Variants in CNTNAP2 observed in about 807,000 individuals in gnomAD.
CNTNAP2 encodes the protein contactin-associated protein-like 2.
CNTNAP2 carries 98 observed loss-of-function variants against 155.2 expected under a neutral mutation model. The ratio of observed to expected loss-of-function variants is 0.63; its 90% CI spans 0.54 to 0.75. CNTNAP2 has a LOEUF of 0.75. CNTNAP2 is among the 30% of genes least tolerant of loss of function. CNTNAP2 has a pLI of 0.00. For synonymous variants in CNTNAP2, 651 were observed against 631.2 expected (o/e 1.03, Z -0.47); for missense variants, 1,727 against 1,688.1 (o/e 1.02, Z -0.40).
At chr7:146,332,151 A>G (rs1231186888) in intron 1 of CNTNAP2, among the ~76,000 whole-genome samples, 2 of 151,794 alleles carry the variant, frequency 1.3e-5, no homozygotes, top group African/African-American at 4.8e-5. Flanking sequence ...TATTTATTAA[A>G]TTTATTATAT....
At chr7:147,374,833 G>A (rs1399376650) in intron 9 of CNTNAP2, among the ~76,000 whole-genome samples, 1 of 151,950 alleles carries the variant, frequency 6.6e-6, no homozygotes, top group East Asian at 1.9e-4. Flanking sequence ...GCGTTACTGG[G>A]TCAGAGTGTT....
At chr7:146,349,024 G>C (rs563889582) in intron 1 of CNTNAP2, among the ~76,000 whole-genome samples, 2 of 152,216 alleles carry the variant, frequency 1.3e-5, no homozygotes, top group Non-Finnish European at 1.5e-5. Flanking sequence ...CTTAAAATCA[G>C]AATGTGTGAC....
At chr7:147,578,228 A>T (rs1482779001) in intron 12 of CNTNAP2, among the ~76,000 whole-genome samples, 1 of 152,118 alleles carries the variant, frequency 6.6e-6, no homozygotes, top group East Asian at 1.9e-4. Flanking sequence ...AGTTCAGCTA[A>T]TTAAAAGAGA....
chr7:147,740,247 GAT>G (rs1459998923), intron 13 of CNTNAP2, among the ~76,000 whole-genome samples: 3 of 136,352 alleles, frequency 2.2e-5, no homozygotes, highest in Non-Finnish European at 4.8e-5. Context: ...CTAAGAGTGT[GAT>G]ATGTGCAGCA....
At chr7:148,203,252 T>C (rs1187760979) in intron 18 of CNTNAP2, among the ~76,000 whole-genome samples, 1 of 152,138 alleles carries the variant, frequency 6.6e-6, no homozygotes, top group Non-Finnish European at 1.5e-5. Flanking sequence ...CATTAATTCA[T>C]GTTCATTAAT....
chr7:146,346,547 T>C (rs1794821544), intron 1 of CNTNAP2, among the ~76,000 whole-genome samples: 1 of 152,076 alleles, frequency 6.6e-6, no homozygotes, highest in Admixed American at 6.5e-5. Context: ...CTGGGAGTGA[T>C]TGTGCATGCC....
At chr7:146,263,447 A>C (rs912952813) in intron 1 of CNTNAP2, among the ~76,000 whole-genome samples, 2 of 152,224 alleles carry the variant, frequency 1.3e-5, no homozygotes, top group Non-Finnish European at 2.9e-5. Flanking sequence ...AGAAATATGA[A>C]AGAAAATCGT....
intron 15 of CNTNAP2, among the ~76,000 whole-genome samples, chr7:148,063,405 T>C (rs1246590978): frequency 6.6e-6 from 1 of 152,062 alleles, no homozygotes; most frequent in African/African-American, 2.4e-5. Flanking sequence ...ATTGTACCAC[T>C]TGACTTTGCC....
intron 1 of CNTNAP2, among the ~76,000 whole-genome samples, chr7:146,515,263 G>T (rs1797524076): frequency 6.6e-6 from 1 of 152,000 alleles, no homozygotes; most frequent in African/African-American, 2.4e-5. Context: ...ATTAAGACAA[G>T]AATTAACTTA....
intron 8 of CNTNAP2, among the ~76,000 whole-genome samples, chr7:147,161,118 T>C (rs141580466): frequency 1.9e-3 from 287 of 152,226 alleles, no homozygotes; most frequent in African/African-American, 6.6e-3. Flanking sequence ...TAATGAGGTC[T>C]CCCTAGTTTA....
At chr7:148,161,973 A>G (rs1805553366) in intron 17 of CNTNAP2, among the ~76,000 whole-genome samples, 1 of 152,082 alleles carries the variant, frequency 6.6e-6, no homozygotes. Flanking sequence ...AGCTACACTA[A>G]TCCCTCACGG....
At chr7:148,024,222 A>T (rs1012355466) in intron 15 of CNTNAP2, among the ~76,000 whole-genome samples, 1 of 151,478 alleles carries the variant, frequency 6.6e-6, no homozygotes. Flanking sequence ...AGCTGGCTAG[A>T]TACAGAATGA....
At position 148,413,402 on chromosome 7, in the gene CNTNAP2, A is replaced by AAAAAAAT. The variant is rs1491424436; in HGVS notation, c.3797-2015_3797-2014insAAAAAAT. On this transcript the variant is annotated intron_variant, in intron 23 of 23. Coordinates refer to ENST00000361727, the MANE Select transcript of CNTNAP2 (RefSeq NM_014141.6). Reference sequence around the variant, plus strand: ...AGTGAAACTCCGTCTCAAAAAAAAAATATATATATATATATATATATATAT... The same window carrying AAAAAAAT: ...AGTGAAACTCCGTCTCAAAAAAAAAAAAAAAATTATATATATATATATATATATATAT... 1.0e-4 allele frequency among the ~76,000 whole-genome samples: 4 copies of AAAAAAAT among 39,480 alleles called. 1 individual carries two copies. Among genetic ancestry groups the AAAAAAAT allele is most frequent in the African/African-American group, 3.8e-4 (4 of 10,496 alleles). The allele number at this position is 39,480 out of a possible 152,430, so 25.9% of individuals were successfully genotyped here.
chr7:147,405,282 A>G (rs529723770), intron 10 of CNTNAP2, among the ~76,000 whole-genome samples: 2 of 152,320 alleles, frequency 1.3e-5, no homozygotes, highest in South Asian at 2.1e-4. Context: ...TAAAAATAAG[A>G]GCAATTGATT....
chr7:147,980,268 T>TA (rs56850605), intron 15 of CNTNAP2, among the ~76,000 whole-genome samples: 1 of 152,070 alleles, frequency 6.6e-6, no homozygotes, highest in South Asian at 2.1e-4. Flanking sequence ...ACTTTCTTTT[T>TA]AAAAAAGAGA....
chr7:147,818,444 G>A (rs1798309504), intron 13 of CNTNAP2, among the ~76,000 whole-genome samples: 1 of 152,160 alleles, frequency 6.6e-6, no homozygotes, highest in African/African-American at 2.4e-5. Context: ...CCCTTAGAGA[G>A]AAGTGCAGCC....
At chr7:147,896,610 G>A (rs1321884927) in intron 13 of CNTNAP2, among the ~76,000 whole-genome samples, 2 of 152,118 alleles carry the variant, frequency 1.3e-5, no homozygotes, top group Non-Finnish European at 1.5e-5. Context: ...TCCTGGATGG[G>A]AGGCACCAGA....
At chr7:147,199,026 G>C (rs536924032) in intron 8 of CNTNAP2, among the ~76,000 whole-genome samples, 9 of 149,080 alleles carry the variant, frequency 6.0e-5, no homozygotes, top group Non-Finnish European at 1.2e-4. Flanking sequence ...CAATGGCGTG[G>C]TCTCAGCTCA....
intron 9 of CNTNAP2, among the ~76,000 whole-genome samples, chr7:147,322,377 C>A (rs1795368478): frequency 6.6e-6 from 1 of 152,112 alleles, no homozygotes; most frequent in Admixed American, 6.5e-5. Context: ...TTTATATTAT[C>A]TGTGAATTTG....
Sources: allele counts gnomAD v4.1 joint callset (sites outside exome capture counted in the v4.1 genomes callset), GRCh38; gene constraint gnomAD v4.1.1; transcripts MANE v1.5; gene names NCBI Gene and HGNC (gene_info 2026-07-23, HGNC 2026-07-21).